SRRM4: variants seen among roughly 807,000 people sequenced by gnomAD.
SRRM4 encodes serine/arginine repetitive matrix protein 4.
In SRRM4, 33 loss-of-function variants were observed where a neutral mutation model predicts 68.9. The observed-to-expected ratio is 0.48, with a 90% CI of 0.36 to 0.64. SRRM4 has a LOEUF of 0.64. SRRM4 is among the 30% of genes least tolerant of loss of function. The pLI is 0.00. For synonymous variants in SRRM4, 318 were observed against 318.8 expected, an observed-to-expected ratio of 1.00 and a Z score of 0.03; for missense variants, 817 against 827.1, an observed-to-expected ratio of 0.99 and a Z score of 0.15.
intron 1 of SRRM4, among the ~76,000 whole-genome samples, chr12:118,993,312 A>G (rs1953328983): frequency 6.6e-6 from 1 of 152,218 alleles, no homozygotes; most frequent in Non-Finnish European, 1.5e-5. Flanking sequence ...AAGCATTCCC[A>G]TTCAATTCCT....
rs58053550 is a variant in SRRM4, at chr12:119,043,775, T to TACACACACACACACACACAC, written c.132-58447_132-58428dup. ...ACATACACATGCACACATACACGCA[T>TACACACACACACACACACAC]ACACACACACACACACACACACACA... On this transcript the variant is annotated intron_variant, in intron 1 of 12. Coordinates refer to ENST00000267260, the MANE Select transcript of SRRM4 (RefSeq NM_194286.4). Among the ~76,000 whole-genome samples the TACACACACACACACACACAC allele has an allele frequency of 1.5e-3, 208 of 141,764 alleles. 1 individual carries two copies. The highest frequency in any genetic ancestry group is 2.0e-3 in the Non-Finnish European group (130 of 65,006). 93.0% of individuals were successfully genotyped at this position (141,764 alleles called of 152,430 possible). A position where few individuals can be genotyped will look rare whatever the true frequency, so the allele number is the denominator to read the frequency against.
intron 1 of SRRM4, among the ~76,000 whole-genome samples, chr12:119,061,195 C>T (rs188003685): frequency 7.2e-5 from 11 of 152,192 alleles, no homozygotes; most frequent in African/African-American, 2.4e-4. Flanking sequence ...AGCCCCAGAC[C>T]GAAAATTCTT....
intron 1 of SRRM4, chr12:118,989,894 T>C (rs1288663338): frequency 6.6e-6 from 1 of 152,226 alleles, no homozygotes. Context: ...CTTAGGCAAC[T>C]GAGCAGGAAT....
At chr12:119,104,117 A>C (rs902354933) in intron 2 of SRRM4, among the ~76,000 whole-genome samples, 10 of 152,212 alleles carry the variant, frequency 6.6e-5, no homozygotes, top group African/African-American at 2.2e-4. Flanking sequence ...CATGGGCCTC[A>C]GTGTTCACAG....
Position 118,996,719 on chromosome 12 carries a change from G to A in SRRM4, c.131+14706G>A, listed in dbSNP as rs369163310. Among the ~76,000 whole-genome samples the A allele has an allele frequency of 2.6e-5, 4 of 152,216 alleles. No homozygotes were observed. The East Asian group carries it at 5.8e-4, about 22-fold the overall frequency. ...ATGGATGGTAGATGTGAGACTCAGA[G>A]AGTCTAAGCAACTTGGTCAAGGTTA... On this transcript the variant is annotated intron_variant, in intron 1 of 12. Transcript: ENST00000267260.
At chr12:119,142,319 T>C (rs527395007) in intron 8 of SRRM4, among the ~76,000 whole-genome samples, 146 of 152,332 alleles carry the variant, frequency 9.6e-4, no homozygotes, top group African/African-American at 3.3e-3. Flanking sequence ...CTGGTGATGA[T>C]GGAAAAGCAT....
At chr12:119,025,292 G>C (rs1049526877) in intron 1 of SRRM4, among the ~76,000 whole-genome samples, 1 of 152,118 alleles carries the variant, frequency 6.6e-6, no homozygotes, top group Admixed American at 6.5e-5. Context: ...TGCATTTCAG[G>C]GGGGCTGGAA....
At chr12:119,127,100 C>A (rs574149241) in intron 7 of SRRM4, among the ~76,000 whole-genome samples, 49 of 148,248 alleles carry the variant, frequency 3.3e-4, no homozygotes, top group Non-Finnish European at 4.8e-4. Context: ...GGGAGATATA[C>A]CTAATGCTAG....
chr12:119,036,218 GA>G (rs1489002509), intron 1 of SRRM4, among the ~76,000 whole-genome samples: 11 of 152,146 alleles, frequency 7.2e-5, no homozygotes, highest in Non-Finnish European at 1.2e-4. Flanking sequence ...AGTACTCTAT[GA>G]ACCAGTGCCA....
chr12:119,032,134 G>A lies in SRRM4; in HGVS notation c.131+50121G>A, dbSNP rs529636064. Among the ~76,000 whole-genome samples the A allele has an allele frequency of 1.4e-4, 22 of 152,220 alleles. 1 individual carries two copies. Among genetic ancestry groups the A allele is most frequent in the African/African-American group, 4.8e-4 (20 of 41,514 alleles). On this transcript the variant is annotated intron_variant, in intron 1 of 12. Transcript: ENST00000267260. ...CTCACTCTTCTCACCTGAGCAATGAGTGATGGTATAATAATATCTCATAGT... is the reference window on the plus strand; with the variant it reads ...CTCACTCTTCTCACCTGAGCAATGAATGATGGTATAATAATATCTCATAGT...
chr12:119,020,220 C>T (rs1953508467), intron 1 of SRRM4, among the ~76,000 whole-genome samples: 1 of 152,098 alleles, frequency 6.6e-6, no homozygotes, highest in Non-Finnish European at 1.5e-5. Context: ...CTTTATCATA[C>T]TGATGGGACC....
intron 8 of SRRM4, among the ~76,000 whole-genome samples, chr12:119,142,356 A>C (rs775343112): frequency 3.9e-5 from 6 of 152,174 alleles, no homozygotes; most frequent in Non-Finnish European, 7.3e-5. Flanking sequence ...CTCAGTTCTG[A>C]CCACACAAGT....
In SRRM4 at chr12:119,127,620, C is replaced by T. The variant is rs533272039; in HGVS notation, c.614+2141C>T. Among the ~76,000 whole-genome samples the T allele has an allele frequency of 5.3e-4, 80 of 151,506 alleles. No homozygotes were observed. The Middle Eastern group carries it at 0.01, about 19-fold the overall frequency. ...GTGGGCACCTGTAATCCCAGCTACT[C>T]GGGAGGCTGAGGCAGGAGAATCACT... On this transcript the variant is annotated intron_variant, in intron 7 of 12. Coordinates refer to ENST00000267260, the MANE Select transcript of SRRM4 (RefSeq NM_194286.4).
At chr12:119,051,164 C>A (rs1223339254) in intron 1 of SRRM4, among the ~76,000 whole-genome samples, 2 of 152,150 alleles carry the variant, frequency 1.3e-5, no homozygotes, top group African/African-American at 4.8e-5. Context: ...AGAGGACAGA[C>A]CCCCAGTAGT....
intron 1 of SRRM4, among the ~76,000 whole-genome samples, chr12:119,069,991 G>A (rs1953867883): frequency 6.6e-6 from 1 of 152,128 alleles, no homozygotes; most frequent in Non-Finnish European, 1.5e-5. Flanking sequence ...TGAATTGCGG[G>A]GAGGTGTTAG....
intron 1 of SRRM4, among the ~76,000 whole-genome samples, chr12:119,047,343 A>G (rs1184623028): frequency 1.3e-5 from 2 of 151,966 alleles, no homozygotes; most frequent in Non-Finnish European, 2.9e-5. Flanking sequence ...ATTTTTTTTT[A>G]ATTTCAATAG....
chr12:119,096,755 C>A (rs1328851147), intron 1 of SRRM4, among the ~76,000 whole-genome samples: 1 of 152,216 alleles, frequency 6.6e-6, no homozygotes, highest in Non-Finnish European at 1.5e-5. Flanking sequence ...TTAACTCAAT[C>A]TAGTGCTTGG....
intron 1 of SRRM4, among the ~76,000 whole-genome samples, chr12:119,013,439 CAT>C (rs1953462043): frequency 6.6e-6 from 1 of 152,186 alleles, no homozygotes; most frequent in Non-Finnish European, 1.5e-5. Context: ...AAAAGTTACA[CAT>C]GACAATGGTT....
intron 1 of SRRM4, among the ~76,000 whole-genome samples, chr12:119,067,513 C>G (rs1953853264): frequency 2.0e-5 from 3 of 152,050 alleles, no homozygotes; most frequent in Admixed American, 2.0e-4. Context: ...TCAAGACCAG[C>G]CTGGCCAACA....
Sources: allele counts gnomAD v4.1 joint callset (sites outside exome capture counted in the v4.1 genomes callset), GRCh38; gene constraint gnomAD v4.1.1; transcripts MANE v1.5; gene names NCBI Gene and HGNC (gene_info 2026-07-23, HGNC 2026-07-21).